TESC: variants seen among roughly 807,000 people sequenced by gnomAD.
TESC encodes tescalcin, also known as calcineurin B homologous protein 3.
In TESC, 19 loss-of-function variants were observed where a neutral mutation model predicts 31.0. That is an observed-to-expected ratio of 0.61 (90% CI 0.43 to 0.90). TESC has a LOEUF of 0.90. Among genes scored for constraint, TESC ranks in the 40% least tolerant of loss-of-function variants. The pLI is 0.00. For synonymous variants in TESC, 109 were observed against 114.8 expected, an observed-to-expected ratio of 0.95 and a Z score of 0.32; for missense variants, 248 against 303.8, an observed-to-expected ratio of 0.82 and a Z score of 1.36.
intron 2 of TESC, among the ~76,000 whole-genome samples, chr12:117,060,938 C>G (rs1954793507): frequency 6.6e-6 from 1 of 152,182 alleles, no homozygotes; most frequent in African/African-American, 2.4e-5. Flanking sequence ...TGTTGCTAAT[C>G]CTTCCTGAGT....
In TESC at chr12:117,038,936, C is replaced by CT. The variant is rs543223333; in HGVS notation, c.*196dup. On this transcript the variant is annotated 3_prime_UTR_variant, in exon 8 of 8. Transcript: ENST00000335209. ...ACAGAGGCCACATTAATTAACAAAC[C>CT]TTTTTTTTTTTTTTATTGGAGATAA... The CT allele has an allele frequency of 0.059, 27,787 of 473,354 alleles. 3 individuals are homozygous for CT. Among genetic ancestry groups the CT allele is most frequent in the East Asian group, 0.073 (2,224 of 30,408 alleles). 29.3% of individuals were successfully genotyped at this position (473,354 alleles called of 1,614,324 possible). A position where few individuals can be genotyped will look rare whatever the true frequency, so the allele number is the denominator to read the frequency against.
intron 1 of TESC, among the ~76,000 whole-genome samples, chr12:117,096,512 G>T (rs1215997136): frequency 6.6e-6 from 1 of 152,022 alleles, no homozygotes; most frequent in Non-Finnish European, 1.5e-5. Flanking sequence ...AGCTCAGAGA[G>T]GTGGGACCAA....
chr12:117,085,830 G>A (rs190019840), intron 1 of TESC, among the ~76,000 whole-genome samples: 13 of 152,248 alleles, frequency 8.5e-5, no homozygotes, highest in Middle Eastern at 3.4e-3. Context: ...AGGTGACAAC[G>A]GGATGTCCTC....
chr12:117,096,428 C>A (rs1008108348), intron 1 of TESC, among the ~76,000 whole-genome samples: 24 of 152,192 alleles, frequency 1.6e-4, no homozygotes, highest in African/African-American at 5.5e-4. Flanking sequence ...CTTATCAAAT[C>A]CACACAATGA....
chr12:117,087,046 G>A (rs1955227611), intron 1 of TESC, among the ~76,000 whole-genome samples: 1 of 152,146 alleles, frequency 6.6e-6, no homozygotes, highest in African/African-American at 2.4e-5. Context: ...ACTCCACAGG[G>A]GACTACCCTC....
In TESC at chr12:117,053,158, C is replaced by A. The variant is rs11068305; in HGVS notation, c.209+3648G>T. On this transcript the variant is annotated intron_variant, in intron 3 of 7. Coordinates refer to ENST00000335209, the MANE Select transcript of TESC (RefSeq NM_017899.4). ...CCGACATTCCCCAATGACTGAGGTC[C>A]CTGCCCCCTCCTTCAGGGAGCACCA... Among the ~76,000 whole-genome samples the A allele has an allele frequency of 1.2e-4, 18 of 152,310 alleles. No homozygotes were observed. In the East Asian group the frequency reaches 2.9e-3, roughly 25 times the overall value.
intron 4 of TESC, among the ~76,000 whole-genome samples, chr12:117,047,170 C>T (rs1269410335): frequency 1.3e-5 from 2 of 152,216 alleles, no homozygotes; most frequent in Admixed American, 6.5e-5. Context: ...CGACAGTAAG[C>T]GTTACCCGTT....
intron 1 of TESC, among the ~76,000 whole-genome samples, chr12:117,098,056 C>T (rs1955418920): frequency 6.6e-6 from 1 of 152,172 alleles, no homozygotes; most frequent in South Asian, 2.1e-4. Context: ...CTGCAATTTT[C>T]ATCCAGTTCT....
At chr12:117,046,467 C>T in intron 6 of TESC, 92 bp downstream of exon 6, 3 of 1,274,812 alleles carry the variant, frequency 2.4e-6, no homozygotes, top group Non-Finnish European at 3.2e-6. Context: ...TGGCAGAATA[C>T]ACCTGGCCCC....
rs1303040219 is a variant in TESC, at chr12:117,046,564, G to A, written c.514C>T (p.Gln172Ter). 1 of 1,550,272 alleles carries A rather than the reference G, an allele frequency of 6.5e-7. No individual in the cohort carries two copies. The highest frequency in any genetic ancestry group is 8.7e-7 in the Non-Finnish European group (1 of 1,146,698). Reference protein sequence around the residue: ...MMEAASVCMGQMEPDQVYEGI... With the variant: ...MMEAASVCMG ...AGGGCTGCAGGGGCGCTCACCATCT[G>A]CCCCATGCACACGCTGGCCGCCTCC... The change falls in exon 6 of 8, where the codon CAG becomes TAG. Residue 172 changes from glutamine (Q) to a stop codon, truncating the protein, a stop_gained. Transcript: ENST00000335209. LOFTEE classifies it high-confidence loss of function.
intron 3 of TESC, among the ~76,000 whole-genome samples, chr12:117,050,645 C>A (rs1273823193): frequency 1.3e-5 from 2 of 152,222 alleles, no homozygotes; most frequent in Non-Finnish European, 2.9e-5. Context: ...TTGTTAATAG[C>A]TCGGAGGCCA....
At chr12:117,081,031 G>A (rs570682490) in intron 1 of TESC, among the ~76,000 whole-genome samples, 1 of 152,294 alleles carries the variant, frequency 6.6e-6, no homozygotes, top group South Asian at 2.1e-4. Context: ...TCTGGTTTTA[G>A]ATTTCAACCT....
At chr12:117,065,258 C>G (rs1954859904) in intron 2 of TESC, among the ~76,000 whole-genome samples, 1 of 152,098 alleles carries the variant, frequency 6.6e-6, no homozygotes, top group African/African-American at 2.4e-5. Flanking sequence ...GTAGCCCAGG[C>G]CAGAGACCAT....
chr12:117,090,252 T>C (rs899301968), intron 1 of TESC, among the ~76,000 whole-genome samples: 2 of 152,212 alleles, frequency 1.3e-5, no homozygotes, highest in African/African-American at 2.4e-5. Flanking sequence ...TAATAATGAA[T>C]ATGTAGGTTC....
chr12:117,099,265 G>A lies in TESC; in HGVS notation c.18C>T (p.Ser6=), dbSNP rs1296714670. 6.8e-7 allele frequency: 1 copy of A among 1,466,926 alleles called. No homozygotes were observed. The highest frequency in any genetic ancestry group is 9.0e-7 in the Non-Finnish European group (1 of 1,116,956). 90.9% of individuals were successfully genotyped at this position (1,466,926 alleles called of 1,614,324 possible). A position where few individuals can be genotyped will look rare whatever the true frequency, so the allele number is the denominator to read the frequency against. MGAAH[S]ASEEVRELEG... ...CGAGCTCCCGCACCTCCTCAGACGC[G>A]GAGTGGGCAGCGCCCATGGTGCCCG... is the stretch of plus-strand genomic sequence containing the variant. Residue 6 remains serine, a synonymous_variant, in exon 1 of 8, where the codon TCC becomes TCT. Transcript: ENST00000335209.
Position 117,099,307 on chromosome 12 carries a change from G to C in TESC, c.-25C>G. On this transcript the variant is annotated 5_prime_UTR_variant, in exon 1 of 8. Coordinates refer to ENST00000335209, the MANE Select transcript of TESC (RefSeq NM_017899.4). ...TGGTGCCCGCGGCGGGGGCCCCGGG[G>C]CGCGCGTCCCTCTCAGGCCCCGCAC... The C allele has an allele frequency of 7.0e-7, 1 of 1,423,214 alleles. No individual in the cohort carries two copies. The highest frequency in any genetic ancestry group is 3.1e-5 in the East Asian group (1 of 32,492). 88.2% of individuals were successfully genotyped at this position (1,423,214 alleles called of 1,614,324 possible).
chr12:117,087,586 G>A (rs961783667), intron 1 of TESC, among the ~76,000 whole-genome samples: 5 of 152,190 alleles, frequency 3.3e-5, no homozygotes, highest in South Asian at 2.1e-4. Flanking sequence ...GTGGGTGCTC[G>A]TGACTTTAAA....
chr12:117,076,494 G>C (rs1375168149), intron 1 of TESC, among the ~76,000 whole-genome samples: 1 of 152,140 alleles, frequency 6.6e-6, no homozygotes, highest in African/African-American at 2.4e-5. Flanking sequence ...GCCCAGGCTA[G>C]AATGCAGTGG....
In TESC at chr12:117,049,014, C is replaced by T. The variant is rs1386479211; in HGVS notation, c.349+5G>A. On this transcript the variant is annotated splice_donor_5th_base_variant and intron_variant, in intron 4 of 7. Coordinates refer to ENST00000335209, the MANE Select transcript of TESC (RefSeq NM_017899.4). ...GTGTGAGCAAGGGGACTCAGTGGCA[C>T]GCACATCTCAGCTTCTCCTTCCGGG... The T allele has an allele frequency of 5.6e-6, 9 of 1,614,042 alleles. No homozygotes were observed. Among genetic ancestry groups the T allele is most frequent in the East Asian group, 2.2e-5 (1 of 44,894 alleles).
Sources: gnomAD v4.1 joint callset for allele counts (sites outside exome capture counted in the v4.1 genomes callset) on GRCh38, gnomAD v4.1.1 for gene constraint, MANE v1.5 for transcripts, NCBI Gene and HGNC (gene_info 2026-07-23, HGNC 2026-07-21) for gene names.